The following RNPC3 variants were observed in gnomAD, a reference collection of about 807,000 sequenced individuals.
The protein encoded by RNPC3 is RNA-binding region-containing protein 3.
A neutral mutation model predicts 67.5 loss-of-function variants in RNPC3; 48 were observed. That is an observed-to-expected ratio of 0.71 (90% CI 0.56 to 0.90). RNPC3 has a LOEUF of 0.90. Among genes scored for constraint, RNPC3 ranks in the 40% least tolerant of loss-of-function variants. The pLI is 0.00. For synonymous variants in RNPC3, 239 were observed against 210.3 expected, an observed-to-expected ratio of 1.14 and a Z score of -1.18; for missense variants, 637 against 626.1, an observed-to-expected ratio of 1.02 and a Z score of -0.19.
chr1:103,550,481 A>G (rs1651361017), intron 12 of RNPC3, among the ~76,000 whole-genome samples: 1 of 151,752 alleles, frequency 6.6e-6, no homozygotes, highest in South Asian at 2.1e-4. Context: ...CTCTACTAAA[A>G]ATACAAAAAA....
intron 9 of RNPC3, among the ~76,000 whole-genome samples, chr1:103,544,200 T>A (rs1343277223): frequency 6.6e-6 from 1 of 151,782 alleles, no homozygotes; most frequent in Non-Finnish European, 1.5e-5. Context: ...GTATGTATCC[T>A]TCCAGACCTT....
At chr1:103,549,282 C>G (rs771473804) in intron 12 of RNPC3, among the ~76,000 whole-genome samples, 1 of 152,078 alleles carries the variant, frequency 6.6e-6, no homozygotes, top group Non-Finnish European at 1.5e-5. Context: ...AAAGAAGTGA[C>G]TATAACTAAA....
chr1:103,544,089 C>A (rs961380388), intron 9 of RNPC3, among the ~76,000 whole-genome samples: 1 of 151,600 alleles, frequency 6.6e-6, no homozygotes, highest in African/African-American at 2.4e-5. Context: ...AAGTTAACAC[C>A]TCAAACCTCA....
chr1:103,552,417 C>G (rs866906424), intron 14 of RNPC3: 1 of 141,030 alleles, frequency 7.1e-6, no homozygotes, highest in Non-Finnish European at 1.5e-5. Flanking sequence ...TTAAAATTAA[C>G]CTAAAGTAAA....
intron 12 of RNPC3, among the ~76,000 whole-genome samples, chr1:103,547,472 T>G (rs916638339): frequency 3.3e-5 from 5 of 152,190 alleles, no homozygotes; most frequent in Non-Finnish European, 5.9e-5. Flanking sequence ...AAAACAGTTT[T>G]CTGGGCCCAC....
rs1650678683 is a variant in RNPC3, at chr1:103,525,743, T to A, written c.-328T>A. The A allele has an allele frequency of 5.4e-6, 1 of 185,232 alleles. No homozygotes were observed. Among genetic ancestry groups the A allele is most frequent in the African/African-American group, 2.4e-5 (1 of 42,334 alleles). 11.5% of individuals were successfully genotyped at this position (185,232 alleles called of 1,614,324 possible). A position where few individuals can be genotyped will look rare whatever the true frequency, so the allele number is the denominator to read the frequency against. ...TCCTTGAGCGTCAACCTTCTTTCCCTGAAGTGGCTGGGGTTCCTGTTTCCT... is the reference window on the plus strand; with the variant it reads ...TCCTTGAGCGTCAACCTTCTTTCCCAGAAGTGGCTGGGGTTCCTGTTTCCT... On this transcript the variant is annotated 5_prime_UTR_variant, in exon 1 of 15. Transcript: ENST00000423855.
intron 14 of RNPC3, chr1:103,552,580 T>G (rs894811936): frequency 1.3e-5 from 2 of 151,996 alleles, no homozygotes; most frequent in African/African-American, 2.4e-5. Flanking sequence ...GCCAACATGG[T>G]GAAACCGACT....
intron 12 of RNPC3, among the ~76,000 whole-genome samples, chr1:103,550,016 T>C (rs1651346447): frequency 6.6e-6 from 1 of 151,588 alleles, no homozygotes; most frequent in East Asian, 2.0e-4. Flanking sequence ...ATACAAAAAT[T>C]AGCCAAGCAT....
In RNPC3 at chr1:103,529,509, A is replaced by G. The variant is rs375068603; in HGVS notation, c.240+1767A>G. On this transcript the variant is annotated intron_variant, in intron 2 of 14. Transcript: ENST00000423855. Reference sequence around the variant, plus strand: ...ATAGATTAAGAAAACAAAGGGAGAAATGTTCAAGAATAGAGTAAGTAGCCG... The same window carrying G: ...ATAGATTAAGAAAACAAAGGGAGAAGTGTTCAAGAATAGAGTAAGTAGCCG... Among the ~76,000 whole-genome samples the G allele has an allele frequency of 5.9e-5, 9 of 152,174 alleles. No individual in the cohort carries two copies. The South Asian group carries it at 1.5e-3, about 25-fold the overall frequency.
intron 2 of RNPC3, among the ~76,000 whole-genome samples, chr1:103,528,890 A>G (rs1209345819): frequency 6.6e-6 from 1 of 152,226 alleles, no homozygotes; most frequent in Non-Finnish European, 1.5e-5. Context: ...AAAATGAGGA[A>G]TGAACACATC....
chr1:103,535,589 A>G, intron 5 of RNPC3, 148 bp downstream of exon 5: 4 of 550,188 alleles, frequency 7.3e-6, no homozygotes, highest in Non-Finnish European at 9.4e-6. Context: ...TCTACTTCCA[A>G]GTAGAGACTT....
chr1:103,551,120 G>C, intron 13 of RNPC3, 47 bp downstream of exon 13: 1 of 1,439,352 alleles, frequency 6.9e-7, no homozygotes, highest in South Asian at 1.3e-5. Flanking sequence ...TTTTTAGAAG[G>C]ATATAACTGA....
intron 2 of RNPC3, among the ~76,000 whole-genome samples, chr1:103,531,172 A>T (rs2101042755): frequency 6.6e-6 from 1 of 152,126 alleles, no homozygotes; most frequent in East Asian, 1.9e-4. Context: ...AAATGCCATT[A>T]TTTTGTTCCT....
chr1:103,540,145 G>A (rs1356517662), intron 7 of RNPC3, among the ~76,000 whole-genome samples: 1 of 152,182 alleles, frequency 6.6e-6, no homozygotes, highest in Non-Finnish European at 1.5e-5. Context: ...GGGATTATAG[G>A]CGTGAGCCAC....
intron 2 of RNPC3, among the ~76,000 whole-genome samples, chr1:103,532,056 A>G (rs1045986448): frequency 3.3e-5 from 5 of 152,034 alleles, no homozygotes; most frequent in African/African-American, 4.8e-5. Context: ...CGACTTGCCA[A>G]TTATCCCAGC....
chr1:103,542,133 G>C (rs932908691), intron 8 of RNPC3, among the ~76,000 whole-genome samples: 1 of 152,000 alleles, frequency 6.6e-6, no homozygotes, highest in African/African-American at 2.4e-5. Flanking sequence ...CAAATGCACA[G>C]ATGATTATTG....
Position 103,528,145 on chromosome 1 carries a change from T to C in RNPC3, c.240+403T>C, listed in dbSNP as rs1295916495. Among the ~76,000 whole-genome samples the C allele has an allele frequency of 1.1e-4, 16 of 152,348 alleles. No individual in the cohort carries two copies. The South Asian group carries it at 2.5e-3, about 24-fold the overall frequency. On this transcript the variant is annotated intron_variant, in intron 2 of 14. Transcript: ENST00000423855. ...AGAAGGAAACAAGTGGAGATGGGCC[T>C]TCTGGGCTTGCAGAACACCAAATAA...
rs1021203672 is a variant in RNPC3 at position 103,552,028 on chromosome 1, C to T, written c.*12+236C>T. 7 of 292,434 alleles carry T rather than the reference C, an allele frequency of 2.4e-5. No individual in the cohort carries two copies. The East Asian group carries it at 4.6e-4, about 19-fold the overall frequency. The allele number at this position is 292,434 out of a possible 1,614,324, so 18.1% of individuals were successfully genotyped here. A position where few individuals can be genotyped will look rare whatever the true frequency, so the allele number is the denominator to read the frequency against. Reference sequence around the variant, plus strand: ...TTATAAGGGGAGTGTGCCTGTTACTCTTTTTTTAACTTTTTCTGCCTATAG... The same window carrying T: ...TTATAAGGGGAGTGTGCCTGTTACTTTTTTTTTAACTTTTTCTGCCTATAG... On this transcript the variant is annotated intron_variant, in intron 14 of 14. Transcript: ENST00000423855.
chr1:103,543,319 C>T lies in RNPC3; in HGVS notation c.917C>T (p.Pro306Leu), dbSNP rs1213117387. 1 of 1,492,860 alleles carries T rather than the reference C, an allele frequency of 6.7e-7. No homozygotes were observed. Among genetic ancestry groups the T allele is most frequent in the Non-Finnish European group, 8.9e-7 (1 of 1,128,194 alleles). The allele number at this position is 1,492,860 out of a possible 1,614,324, so 92.5% of individuals were successfully genotyped here. A position where few individuals can be genotyped will look rare whatever the true frequency, so the allele number is the denominator to read the frequency against. Residue 306 changes from proline to leucine, a missense_variant, in exon 9 of 15, where the codon CCT (proline) becomes CTT (leucine). Around this residue, in one of 3 missense-constraint regions of RNPC3, gnomAD observed 536 missense variants for 500.3 expected, o/e 1.07. Transcript: ENST00000423855. ...SHSSLHPVLL[P>L]SDVFDQPQPV... Reference sequence around the variant, plus strand: ...AGCAGTTTACATCCAGTGCTGTTACCTTCAGATGTATTTGACCAACCACAA... The same window carrying T: ...AGCAGTTTACATCCAGTGCTGTTACTTTCAGATGTATTTGACCAACCACAA...
Sources: gnomAD v4.1 joint callset for allele counts (sites outside exome capture counted in the v4.1 genomes callset) on GRCh38, gnomAD v4.1.1 for gene constraint, gnomAD v4.1.1 regional missense constraint, MANE v1.5 for transcripts, NCBI Gene and HGNC (gene_info 2026-07-23, HGNC 2026-07-21) for gene names.